The following GTF2IRD1 variants were observed in gnomAD, a reference collection of about 807,000 sequenced individuals.
GTF2IRD1 encodes the protein GTF2I repeat domain containing 1.
In GTF2IRD1, 26 loss-of-function variants were observed where a neutral mutation model predicts 113.2. That is an observed-to-expected ratio of 0.23 (90% CI 0.17 to 0.32). GTF2IRD1 has a LOEUF of 0.32. GTF2IRD1 is among the 10% of genes least tolerant of loss of function. The probability of loss-of-function intolerance (pLI) is 1.00; values close to 1 mark genes in which losing one functional copy is unlikely to be tolerated. For synonymous variants in GTF2IRD1, 484 were observed against 529.1 expected, an observed-to-expected ratio of 0.91 and a Z score of 1.17; for missense variants, 864 against 1,280.8, an observed-to-expected ratio of 0.67 and a Z score of 4.97.
chr7:74,482,833 GC>G (rs1554334901), intron 1 of GTF2IRD1, among the ~76,000 whole-genome samples: 1 of 152,158 alleles, frequency 6.6e-6, no homozygotes, highest in Admixed American at 6.6e-5. Flanking sequence ...TTTGTGGTTT[GC>G]TCATACGTCT....
At chr7:74,554,097 C>T (rs192598499) in intron 17 of GTF2IRD1, among the ~76,000 whole-genome samples, 1 of 152,306 alleles carries the variant, frequency 6.6e-6, no homozygotes, top group East Asian at 1.9e-4. Context: ...GCAGAGACTC[C>T]TCGGAGTTGC....
intron 22 of GTF2IRD1, among the ~76,000 whole-genome samples, chr7:74,560,087 T>C (rs1278976664): frequency 3.9e-5 from 6 of 152,208 alleles, no homozygotes; most frequent in Non-Finnish European, 5.9e-5. Context: ...GGCCTAGGCC[T>C]CTGCCCTTCT....
At chr7:74,522,748 A>C (rs1797365889) in intron 7 of GTF2IRD1, among the ~76,000 whole-genome samples, 1 of 152,176 alleles carries the variant, frequency 6.6e-6, no homozygotes, top group Non-Finnish European at 1.5e-5. Flanking sequence ...CAAGCAAGAT[A>C]CTCAGTTTCT....
At chr7:74,489,344 A>G (rs140364908) in intron 1 of GTF2IRD1, among the ~76,000 whole-genome samples, 49 of 151,940 alleles carry the variant, frequency 3.2e-4, no homozygotes, top group Admixed American at 5.3e-4. Context: ...CCCTGGTTTC[A>G]GTCCCTTTTT....
intron 1 of GTF2IRD1, among the ~76,000 whole-genome samples, chr7:74,494,631 A>AT (rs782267997): frequency 6.6e-6 from 1 of 151,842 alleles, no homozygotes; most frequent in East Asian, 1.9e-4. Flanking sequence ...TTATTTATTT[A>AT]TTTTTTTCAC....
At chr7:74,553,842 C>T (rs1554355855) in intron 17 of GTF2IRD1, among the ~76,000 whole-genome samples, 5 of 152,304 alleles carry the variant, frequency 3.3e-5, no homozygotes, top group South Asian at 4.2e-4. Flanking sequence ...CCTTTCAGAA[C>T]CTGAGTTCTC....
intron 22 of GTF2IRD1, among the ~76,000 whole-genome samples, chr7:74,579,625 A>C (rs1287250307): frequency 6.6e-6 from 1 of 151,948 alleles, no homozygotes; most frequent in Non-Finnish European, 1.5e-5. Context: ...CTTAAGAAAA[A>C]AAAAAAAAAA....
At chr7:74,587,299 A>G (rs1192162751) in intron 22 of GTF2IRD1, among the ~76,000 whole-genome samples, 1 of 151,958 alleles carries the variant, frequency 6.6e-6, no homozygotes, top group Non-Finnish European at 1.5e-5. Context: ...ACAAAAATTA[A>G]CCGGACGTTG....
At chr7:74,514,369 C>T (rs1438218899) in intron 3 of GTF2IRD1, among the ~76,000 whole-genome samples, 2 of 152,046 alleles carry the variant, frequency 1.3e-5, no homozygotes, top group Non-Finnish European at 2.9e-5. Context: ...GGGACTGGGC[C>T]GGGTAGAATG....
At chr7:74,533,321 G>A (rs988742036) in intron 9 of GTF2IRD1, among the ~76,000 whole-genome samples, 43 of 151,990 alleles carry the variant, frequency 2.8e-4, no homozygotes, top group African/African-American at 1.0e-3. Context: ...TTTTAGTAGA[G>A]ACGGGGTTTC....
intron 1 of GTF2IRD1, among the ~76,000 whole-genome samples, chr7:74,466,904 GGGGTGGGGGCCCATGAA>G (rs1375390849): frequency 2.0e-5 from 3 of 151,786 alleles, no homozygotes; most frequent in Non-Finnish European, 2.9e-5. Context: ...AAGCAAGCTC[GGGGTGGGGGCCCATGAA>G]GGGTGGGGGC....
intron 9 of GTF2IRD1, among the ~76,000 whole-genome samples, chr7:74,530,875 C>T (rs1043866954): frequency 7.9e-5 from 12 of 152,054 alleles, no homozygotes; most frequent in Non-Finnish European, 1.6e-4. Context: ...CTGATACCAG[C>T]CCAGGCAACA....
At chr7:74,540,969 G>A (rs1249790463) in intron 14 of GTF2IRD1, among the ~76,000 whole-genome samples, 1 of 151,612 alleles carries the variant, frequency 6.6e-6, no homozygotes, top group Non-Finnish European at 1.5e-5. Flanking sequence ...TCACCATGAT[G>A]GTCAGGCAGG....
chr7:74,555,248 A>C lies in GTF2IRD1; in HGVS notation c.1966+25A>C, dbSNP rs782130288. On this transcript the variant is annotated intron_variant, in intron 18 of 26. Coordinates refer to ENST00000424337, the MANE Select transcript of GTF2IRD1 (RefSeq NM_005685.4). The surrounding 1 kb of genome is among the most constrained non-coding windows in gnomAD (Gnocchi z 5.3). ...GGTACCCAGCGCGGGGTCGGGAGCC[A>C]TGGTGTGGGCGGGCAAGGGAGGGCC... 2 of 1,609,938 alleles carry C rather than the reference A, an allele frequency of 1.2e-6. No homozygotes were observed. Among genetic ancestry groups the C allele is most frequent in the Non-Finnish European group, 1.7e-6 (2 of 1,177,230 alleles).
chr7:74,590,918 A>T lies in GTF2IRD1; in HGVS notation c.2492A>T (p.Asp831Val). Residue 831 changes from aspartate (D) to valine (V), a missense_variant, in exon 24 of 27, where the codon GAC becomes GTC. By Grantham distance (152) the Asp-to-Val change is radical. Coordinates refer to ENST00000424337, the MANE Select transcript of GTF2IRD1 (RefSeq NM_005685.4). ...GTGGAGGTCACGGGTCTGCCTGATG[A>T]CATCCCCTTCCGGAACCCCAACACG... ...DAVEVTGLPD[D>V]IPFRNPNTYD... The T allele has an allele frequency of 6.2e-7, 1 of 1,613,526 alleles. No individual in the cohort carries two copies. The highest frequency in any genetic ancestry group is 8.5e-7 in the Non-Finnish European group (1 of 1,179,676).
chr7:74,456,955 G>C (rs1554327551), intron 1 of GTF2IRD1, among the ~76,000 whole-genome samples: 1 of 151,942 alleles, frequency 6.6e-6, no homozygotes, highest in Non-Finnish European at 1.5e-5. Flanking sequence ...GGCTGGCCAT[G>C]GTTCCACCTT....
intron 14 of GTF2IRD1, among the ~76,000 whole-genome samples, chr7:74,541,986 C>T (rs1798662526): frequency 6.6e-6 from 1 of 151,738 alleles, no homozygotes; most frequent in South Asian, 2.1e-4. Flanking sequence ...GTCCCATCTA[C>T]TCAGGAGGCT....
intron 1 of GTF2IRD1, among the ~76,000 whole-genome samples, chr7:74,477,345 CA>C (rs1464374729): frequency 9.2e-6 from 1 of 108,984 alleles, no homozygotes; most frequent in African/African-American, 3.9e-5. Flanking sequence ...GCCTGGGCGA[CA>C]GTTTTTTTTT....
chr7:74,493,637 T>G (rs923024025), intron 1 of GTF2IRD1, among the ~76,000 whole-genome samples: 1 of 152,054 alleles, frequency 6.6e-6, no homozygotes, highest in Non-Finnish European at 1.5e-5. Flanking sequence ...GTAGACAGGT[T>G]CTCCTGTGAT....
Sources: gnomAD v4.1 joint callset for allele counts (sites outside exome capture counted in the v4.1 genomes callset) on GRCh38, gnomAD v4.1.1 for gene constraint, Gnocchi (gnomAD v3.1) non-coding constraint, MANE v1.5 for transcripts, NCBI Gene and HGNC (gene_info 2026-07-23, HGNC 2026-07-21) for gene names.